Variants in CSTF3 observed in about 807,000 individuals in gnomAD.
The protein encoded by CSTF3 is cleavage stimulation factor subunit 3, also known as CF-1 77 kDa subunit.
Under a neutral mutation model 105.8 loss-of-function variants are expected in CSTF3, and 29 were observed. The observed-to-expected ratio is 0.27, with a 90% confidence interval of 0.20 to 0.37. CSTF3 has a LOEUF of 0.37. Among genes scored for constraint, CSTF3 ranks in the 10% least tolerant of loss-of-function variants. The pLI is 1.00. For synonymous variants in CSTF3, 252 were observed against 281.9 expected, an observed-to-expected ratio of 0.89 and a Z score of 1.06; for missense variants, 357 against 879.3, an observed-to-expected ratio of 0.41 and a Z score of 7.51.
intron 15 of CSTF3, among the ~76,000 whole-genome samples, chr11:33,095,879 T>C (rs1025678498): frequency 6.6e-6 from 1 of 152,128 alleles, no homozygotes; most frequent in Admixed American, 6.5e-5. Context: ...ATGTTTCTTT[T>C]TGAATCTTTT....
In CSTF3 at chr11:33,098,545, G is replaced by T. The variant is rs1855247733; in HGVS notation, c.1128+145C>A. 7.3e-6 allele frequency: 4 copies of T among 544,330 alleles called. No individual in the cohort carries two copies. The South Asian group carries it at 1.1e-4, about 16-fold the overall frequency. The allele number at this position is 544,330 out of a possible 1,614,324, so 33.7% of individuals were successfully genotyped here. A position where few individuals can be genotyped will look rare whatever the true frequency, so the allele number is the denominator to read the frequency against. ...TGGAGGTGTTTTCTATCTTAATTGTGGTGGGGATCCCATACTCAATGTTAT... is the reference window on the plus strand; with the variant it reads ...TGGAGGTGTTTTCTATCTTAATTGTTGTGGGGATCCCATACTCAATGTTAT... On this transcript the variant is annotated intron_variant, in intron 13 of 20. Transcript: ENST00000323959.
chr11:33,131,920 T>C (rs1199804350), intron 3 of CSTF3, among the ~76,000 whole-genome samples: 2 of 147,902 alleles, frequency 1.4e-5, no homozygotes, highest in Non-Finnish European at 2.9e-5. Flanking sequence ...CAGGGTACTA[T>C]TCTTTGTGGT....
intron 15 of CSTF3, among the ~76,000 whole-genome samples, chr11:33,093,380 C>T (rs185603843): frequency 6.6e-6 from 1 of 152,272 alleles, no homozygotes; most frequent in East Asian, 1.9e-4. Flanking sequence ...GTGTTGTGCT[C>T]TCTGCCTGGA....
chr11:33,142,236 C>T (rs1006014182), intron 1 of CSTF3, among the ~76,000 whole-genome samples: 2 of 151,970 alleles, frequency 1.3e-5, no homozygotes, highest in Admixed American at 1.3e-4. Context: ...AAAGACAGCA[C>T]TAAACACGTA....
chr11:33,094,091 A>G (rs1855195773), intron 15 of CSTF3, among the ~76,000 whole-genome samples: 1 of 152,122 alleles, frequency 6.6e-6, no homozygotes, highest in African/African-American at 2.4e-5. Context: ...CTTAAATTAT[A>G]CTCTCTTCTC....
At chr11:33,157,428 CAT>C (rs1439428049) in intron 1 of CSTF3, among the ~76,000 whole-genome samples, 6 of 152,120 alleles carry the variant, frequency 3.9e-5, no homozygotes, top group South Asian at 4.2e-4. Context: ...ACACAGAAAT[CAT>C]ATGTTTGTTA....
intron 1 of CSTF3, among the ~76,000 whole-genome samples, chr11:33,148,879 A>G (rs1397359046): frequency 1.1e-5 from 1 of 94,288 alleles, no homozygotes; most frequent in African/African-American, 3.0e-5. Flanking sequence ...TTTTTTTTTT[A>G]AAGAGACAGG....
At chr11:33,093,402 A>C in intron 15 of CSTF3, among the ~76,000 whole-genome samples, 1 of 152,068 alleles carries the variant, frequency 6.6e-6, no homozygotes, top group East Asian at 1.9e-4. Context: ...TAATGCATTT[A>C]TCTTTCTTTA....
intron 3 of CSTF3, among the ~76,000 whole-genome samples, chr11:33,130,581 T>G (rs953724659): frequency 6.6e-6 from 1 of 152,242 alleles, no homozygotes; most frequent in African/African-American, 2.4e-5. Flanking sequence ...AACTGTTTAA[T>G]AAGCAGGTAT....
At chr11:33,107,731 C>A (rs1309954296) in intron 5 of CSTF3, among the ~76,000 whole-genome samples, 172 bp downstream of exon 5, 1 of 152,224 alleles carries the variant, frequency 6.6e-6, no homozygotes, top group Non-Finnish European at 1.5e-5. Flanking sequence ...AAGACTCATG[C>A]CAGTGACTTT....
chr11:33,159,364 G>A (rs1174068239), intron 1 of CSTF3, among the ~76,000 whole-genome samples: 3 of 152,024 alleles, frequency 2.0e-5, no homozygotes, highest in Admixed American at 6.6e-5. Flanking sequence ...GGAAGGCAGA[G>A]GTAGGCGGAT....
intron 3 of CSTF3, among the ~76,000 whole-genome samples, chr11:33,128,698 G>A (rs2133791272): frequency 6.6e-6 from 1 of 151,860 alleles, no homozygotes; most frequent in African/African-American, 2.4e-5. Context: ...TAAGCCACAA[G>A]TCATCTGCTT....
At chr11:33,147,061 C>G (rs1263247065) in intron 1 of CSTF3, among the ~76,000 whole-genome samples, 1 of 150,546 alleles carries the variant, frequency 6.6e-6, no homozygotes, top group Non-Finnish European at 1.5e-5. Flanking sequence ...AGCTACTAGG[C>G]AGGCGGACTG....
In CSTF3 at chr11:33,102,298, G is replaced by A; in HGVS notation, c.705C>T (p.Pro235=). The change falls in exon 10 of 21, where the codon CCC becomes CCT. Residue 235 remains proline, a synonymous_variant. Transcript: ENST00000323959. The part of the protein sequence containing the change: ...TVMKGLDRNA[P]SVPPQNTPQE... ...GAGGAGTATTCTGAGGAGGCACCGAGGGAGCATTACGGTCCAAGCCTTTCA... is the reference window on the plus strand; with the variant it reads ...GAGGAGTATTCTGAGGAGGCACCGAAGGAGCATTACGGTCCAAGCCTTTCA... 1.2e-6 allele frequency: 2 copies of A among 1,614,000 alleles called. No individual in the cohort carries two copies. The highest frequency in any genetic ancestry group is 8.5e-7 in the Non-Finnish European group (1 of 1,179,912).
chr11:33,107,843 T>C, intron 5 of CSTF3, 60 bp downstream of exon 5: 2 of 954,588 alleles, frequency 2.1e-6, no homozygotes, highest in Non-Finnish European at 3.3e-6. Context: ...TGTGAGTTTA[T>C]GTGGGATTAA....
intron 3 of CSTF3, among the ~76,000 whole-genome samples, chr11:33,127,354 T>A (rs1315555755): frequency 6.6e-6 from 1 of 152,168 alleles, no homozygotes; most frequent in Non-Finnish European, 1.5e-5. Flanking sequence ...TCATTTAAAA[T>A]TCATCAATTT....
chr11:33,147,595 T>A (rs1242709350), intron 1 of CSTF3, among the ~76,000 whole-genome samples: 1 of 151,858 alleles, frequency 6.6e-6, no homozygotes, highest in African/African-American at 2.4e-5. Context: ...AAAAGAAATT[T>A]TACGTAAACT....
At chr11:33,139,545 A>C (rs1855688134) in intron 3 of CSTF3, among the ~76,000 whole-genome samples, 1 of 151,974 alleles carries the variant, frequency 6.6e-6, no homozygotes, top group African/African-American at 2.4e-5. Context: ...CTCACAGGCT[A>C]AACAAAAATA....
chr11:33,156,536 G>A (rs955457228), intron 1 of CSTF3, among the ~76,000 whole-genome samples: 3 of 152,084 alleles, frequency 2.0e-5, no homozygotes, highest in African/African-American at 7.2e-5. Context: ...CTAAAAACAC[G>A]TATTTATGAG....
Sources: allele counts gnomAD v4.1 joint callset (sites outside exome capture counted in the v4.1 genomes callset), GRCh38; gene constraint gnomAD v4.1.1; transcripts MANE v1.5; gene names NCBI Gene and HGNC (gene_info 2026-07-23, HGNC 2026-07-21).